Variants in SSTR4 observed in about 807,000 individuals in gnomAD.
SSTR4 encodes somatostatin receptor 4, also known as somatostatin receptor type 4.
For synonymous variants in SSTR4, 272 were observed against 246.3 expected (o/e 1.10, Z -0.98); for missense variants, 649 against 540.6 (o/e 1.20, Z -1.99).
rs1161447813 is a variant in SSTR4 at position 23,035,952 on chromosome 20, T to C, written c.469T>C (p.Tyr157His). 2 of 1,609,894 alleles carry C rather than the reference T, an allele frequency of 1.2e-6. No homozygotes were observed. The highest frequency in any genetic ancestry group is 2.2e-5 in the East Asian group (1 of 44,816). Residue 157 changes from tyrosine to histidine, a missense_variant, in exon 1 of 1, where the codon TAC becomes CAC. Transcript: ENST00000255008. ...AVVHPLRAAT[Y>H]RRPSVAKLIN... ...GGTGCACCCTCTGCGCGCGGCGACC[T>C]ACCGGCGGCCCAGCGTGGCCAAGCT...
rs1211606547 is a variant in SSTR4, at chr20:23,035,909, G to A, written c.426G>A (p.Val142=). The A allele has an allele frequency of 1.2e-6, 2 of 1,612,920 alleles. No homozygotes were observed. The highest frequency in any genetic ancestry group is 2.7e-5 in the African/African-American group (2 of 74,932). ...TCTTCTGTCTCACCGTGCTCAGCGT[G>A]GACCGCTACGTGGCCGTGGTGCACC... is the stretch of plus-strand genomic sequence containing the variant. ...TSVFCLTVLS[V]DRYVAVVHPL... The change falls in exon 1 of 1, where the codon GTG becomes GTA. Residue 142 remains valine, a synonymous_variant. Coordinates refer to ENST00000255008, the MANE Select transcript of SSTR4 (RefSeq NM_001052.4).
chr20:23,035,573 G>C lies in SSTR4; in HGVS notation c.90G>C (p.Ala30=). 1.9e-6 allele frequency: 3 copies of C among 1,575,736 alleles called. No homozygotes were observed. Among genetic ancestry groups the C allele is most frequent in the Non-Finnish European group, 2.6e-6 (3 of 1,164,492 alleles). Residue 30 remains alanine (A), a synonymous_variant, in exon 1 of 1, where the codon GCG becomes GCC. Transcript: ENST00000255008. ...PSAANASSAP[A]EAEEAVAGPG... is the part of the protein sequence containing the mutation. ...CAGCCAATGCCAGTAGCGCTCCGGC[G>C]GAGGCGGAGGAGGCGGTGGCGGGGC...
Position 23,035,951 on chromosome 20 carries a change from C to T in SSTR4, c.468C>T (p.Thr156=), listed in dbSNP as rs768314761. ...VAVVHPLRAA[T]YRRPSVAKLI... ...TGGTGCACCCTCTGCGCGCGGCGAC[C>T]TACCGGCGGCCCAGCGTGGCCAAGC... Residue 156 remains threonine, a synonymous_variant, in exon 1 of 1, where the codon ACC becomes ACT. Transcript: ENST00000255008. 1.2e-6 allele frequency: 2 copies of T among 1,610,066 alleles called. No individual in the cohort carries two copies. Among genetic ancestry groups the T allele is most frequent in the Non-Finnish European group, 1.7e-6 (2 of 1,178,992 alleles).
chr20:23,036,723 T>C lies in SSTR4; in HGVS notation c.*73T>C. Reference sequence around the variant, plus strand: ...GCACCATTCCTACAGCCCCGAAGACTGCATCTCCTGAATGCTCACCTAAGC... The same window carrying C: ...GCACCATTCCTACAGCCCCGAAGACCGCATCTCCTGAATGCTCACCTAAGC... On this transcript the variant is annotated 3_prime_UTR_variant, in exon 1 of 1. Coordinates refer to ENST00000255008, the MANE Select transcript of SSTR4 (RefSeq NM_001052.4). The C allele has an allele frequency of 6.8e-7, 1 of 1,472,488 alleles. No homozygotes were observed. Among genetic ancestry groups the C allele is most frequent in the Non-Finnish European group, 9.1e-7 (1 of 1,095,748 alleles). The allele number at this position is 1,472,488 out of a possible 1,614,324, so 91.2% of individuals were successfully genotyped here.
At position 23,036,634 on chromosome 20, in the gene SSTR4, G is replaced by A. The variant is rs1194239018; in HGVS notation, c.1151G>A (p.Arg384Lys). ...GGCCGCAAGCGCATCCCCCTCACCAGGACCACCACCTTCTGAGGAGCCCTT... is the reference window on the plus strand; with the variant it reads ...GGCCGCAAGCGCATCCCCCTCACCAAGACCACCACCTTCTGAGGAGCCCTT... ...EPGRKRIPLT[R>K]TTTF The change falls in exon 1 of 1, where the codon AGG (arginine) becomes AAG (lysine). Residue 384 changes from arginine to lysine, a missense_variant. Coordinates refer to ENST00000255008, the MANE Select transcript of SSTR4 (RefSeq NM_001052.4). 6.5e-7 allele frequency: 1 copy of A among 1,549,288 alleles called. No homozygotes were observed. The highest frequency in any genetic ancestry group is 1.9e-5 in the Admixed American group (1 of 51,618).
rs1034967754 is a variant in SSTR4, at chr20:23,035,604, G to T, written c.121G>T (p.Asp41Tyr). The T allele has an allele frequency of 2.6e-6, 4 of 1,552,016 alleles. No individual in the cohort carries two copies. The highest frequency in any genetic ancestry group is 3.5e-6 in the Non-Finnish European group (4 of 1,154,416). Residue 41 changes from aspartate to tyrosine, a missense_variant, in exon 1 of 1, where the codon GAC becomes TAC. Transcript: ENST00000255008. Reference protein sequence around the residue: ...EAEEAVAGPGDARAAGMVAIQ... With the variant: ...EAEEAVAGPGYARAAGMVAIQ... ...GGAGGAGGCGGTGGCGGGGCCCGGG[G>T]ACGCGCGGGCGGCGGGCATGGTCGC...
In SSTR4 at chr20:23,035,610, C is replaced by A; in HGVS notation, c.127C>A (p.Arg43=). The A allele has an allele frequency of 6.5e-7, 1 of 1,546,946 alleles. No individual in the cohort carries two copies. The highest frequency in any genetic ancestry group is 8.7e-7 in the Non-Finnish European group (1 of 1,152,048). ...GGCGGTGGCGGGGCCCGGGGACGCGCGGGCGGCGGGCATGGTCGCTATCCA... is the reference window on the plus strand; with the variant it reads ...GGCGGTGGCGGGGCCCGGGGACGCGAGGGCGGCGGGCATGGTCGCTATCCA... The part of the protein sequence containing the change: ...EEAVAGPGDA[R]AAGMVAIQCI... The change falls in exon 1 of 1, where the codon CGG becomes AGG. Residue 43 remains arginine, a synonymous_variant. Coordinates refer to ENST00000255008, the MANE Select transcript of SSTR4 (RefSeq NM_001052.4).
chr20:23,036,559 G>C lies in SSTR4; in HGVS notation c.1076G>C (p.Cys359Ser). Reference protein sequence around the residue: ...TALKSKGGAGCMCPPLPCQQE... With the variant: ...TALKSKGGAGSMCPPLPCQQE... ...CTCAAGAGCAAAGGTGGGGCAGGGT[G>C]CATGTGCCCCCCACTCCCCTGCCAG... is the stretch of plus-strand genomic sequence containing the variant. Residue 359 changes from cysteine to serine, a missense_variant, in exon 1 of 1, where the codon TGC (cysteine) becomes TCC (serine). Physicochemically the swap from Cys to Ser is moderately radical, Grantham distance 112. Coordinates refer to ENST00000255008, the MANE Select transcript of SSTR4 (RefSeq NM_001052.4). The C allele has an allele frequency of 6.2e-7, 1 of 1,610,842 alleles. No homozygotes were observed.
rs1984332886 is a variant in SSTR4 at position 23,036,573 on chromosome 20, C to T, written c.1090C>T (p.Leu364Phe). 4.4e-6 allele frequency: 7 copies of T among 1,604,254 alleles called. No homozygotes were observed. Among genetic ancestry groups the T allele is most frequent in the Non-Finnish European group, 6.0e-6 (7 of 1,175,716 alleles). Residue 364 changes from leucine (L) to phenylalanine (F), a missense_variant, in exon 1 of 1, where the codon CTC becomes TTC. Leu to Phe is a conservative substitution (Grantham distance 22). Coordinates refer to ENST00000255008, the MANE Select transcript of SSTR4 (RefSeq NM_001052.4). The stretch of plus-strand genomic sequence containing the variant: ...TGGGGCAGGGTGCATGTGCCCCCCA[C>T]TCCCCTGCCAGCAGGAAGCCCTGCA... The part of the protein sequence containing the change: ...KGGAGCMCPP[L>F]PCQQEALQPE...
chr20:23,035,352 C>T lies in SSTR4; in HGVS notation c.-132C>T. On this transcript the variant is annotated 5_prime_UTR_variant, in exon 1 of 1. Coordinates refer to ENST00000255008, the MANE Select transcript of SSTR4 (RefSeq NM_001052.4). Reference sequence around the variant, plus strand: ...GGATTGGCGGGCGCTCCCCGGTGCCCGCAGCTCTTCAGCGTAGCCGGGAAG... The same window carrying T: ...GGATTGGCGGGCGCTCCCCGGTGCCTGCAGCTCTTCAGCGTAGCCGGGAAG... 2 of 710,556 alleles carry T rather than the reference C, an allele frequency of 2.8e-6. No individual in the cohort carries two copies. The highest frequency in any genetic ancestry group is 3.8e-6 in the Non-Finnish European group (2 of 521,738). 44.0% of individuals were successfully genotyped at this position (710,556 alleles called of 1,614,324 possible). A position where few individuals can be genotyped will look rare whatever the true frequency, so the allele number is the denominator to read the frequency against.
rs1984271006 is a variant in SSTR4 at position 23,035,435 on chromosome 20, C to T, written c.-49C>T. 2.3e-6 allele frequency: 3 copies of T among 1,291,464 alleles called. No homozygotes were observed. The highest frequency in any genetic ancestry group is 2.9e-6 in the Non-Finnish European group (3 of 1,018,478). The allele number at this position is 1,291,464 out of a possible 1,614,324, so 80.0% of individuals were successfully genotyped here. Reference sequence around the variant, plus strand: ...GGCCCGCCGCCCGAGCTCTCTGGCGCAGCGCTAGCTCCGCCGCGCTCAGCT... The same window carrying T: ...GGCCCGCCGCCCGAGCTCTCTGGCGTAGCGCTAGCTCCGCCGCGCTCAGCT... On this transcript the variant is annotated 5_prime_UTR_variant, in exon 1 of 1. Coordinates refer to ENST00000255008, the MANE Select transcript of SSTR4 (RefSeq NM_001052.4).
At position 23,035,377 on chromosome 20, in the gene SSTR4, G is replaced by A; in HGVS notation, c.-107G>A. The A allele has an allele frequency of 1.2e-6, 1 of 869,548 alleles. No homozygotes were observed. The highest frequency in any genetic ancestry group is 3.6e-5 in the East Asian group (1 of 27,882). The allele number at this position is 869,548 out of a possible 1,614,324, so 53.9% of individuals were successfully genotyped here. On this transcript the variant is annotated 5_prime_UTR_variant, in exon 1 of 1. Coordinates refer to ENST00000255008, the MANE Select transcript of SSTR4 (RefSeq NM_001052.4). ...CGCAGCTCTTCAGCGTAGCCGGGAAGAGCCGCGCGTCTGCGCGCCAGCCCC... is the reference window on the plus strand; with the variant it reads ...CGCAGCTCTTCAGCGTAGCCGGGAAAAGCCGCGCGTCTGCGCGCCAGCCCC...
rs1366963475 is a variant in SSTR4 at position 23,035,446 on chromosome 20, C to T, written c.-38C>T. 3 of 1,363,724 alleles carry T rather than the reference C, an allele frequency of 2.2e-6. No individual in the cohort carries two copies. Among genetic ancestry groups the T allele is most frequent in the Non-Finnish European group, 2.8e-6 (3 of 1,064,850 alleles). The allele number at this position is 1,363,724 out of a possible 1,614,324, so 84.5% of individuals were successfully genotyped here. A position where few individuals can be genotyped will look rare whatever the true frequency, so the allele number is the denominator to read the frequency against. On this transcript the variant is annotated 5_prime_UTR_variant, in exon 1 of 1. Coordinates refer to ENST00000255008, the MANE Select transcript of SSTR4 (RefSeq NM_001052.4). ...CGAGCTCTCTGGCGCAGCGCTAGCT[C>T]CGCCGCGCTCAGCTGCCCTGCGCCG...
Position 23,035,801 on chromosome 20 carries a change from G to A in SSTR4, c.318G>A (p.Ser106=), listed in dbSNP as rs1425198530. 3 of 1,590,254 alleles carry A rather than the reference G, an allele frequency of 1.9e-6. No individual in the cohort carries two copies. The highest frequency in any genetic ancestry group is 4.5e-5 in the East Asian group (2 of 44,332). ...FMLSVPFVAS[S]AALRHWPFGS... is the part of the protein sequence containing the mutation. ...TGAGCGTGCCCTTCGTGGCCTCGTC[G>A]GCCGCCCTGCGCCACTGGCCCTTCG... The change falls in exon 1 of 1, where the codon TCG becomes TCA. Residue 106 remains serine, a synonymous_variant. Transcript: ENST00000255008.
rs775936596 is a variant in SSTR4 at position 23,035,862 on chromosome 20, G to C, written c.379G>C (p.Gly127Arg). The C allele has an allele frequency of 1.2e-6, 2 of 1,609,782 alleles. No homozygotes were observed. The highest frequency in any genetic ancestry group is 1.7e-6 in the Non-Finnish European group (2 of 1,177,990). Residue 127 changes from glycine to arginine, a missense_variant, in exon 1 of 1, where the codon GGC becomes CGC. Transcript: ENST00000255008. ...VLCRAVLSVD[G>R]LNMFTSVFCL... is the part of the protein sequence containing the mutation. Reference sequence around the variant, plus strand: ...GTGCCGCGCGGTGCTCAGCGTCGACGGCCTCAACATGTTCACCAGCGTCTT... The same window carrying C: ...GTGCCGCGCGGTGCTCAGCGTCGACCGCCTCAACATGTTCACCAGCGTCTT...
In SSTR4 at chr20:23,038,173, C is replaced by A. The variant is rs1403857382; in HGVS notation, c.*1523C>A. On this transcript the variant is annotated 3_prime_UTR_variant, in exon 1 of 1. Transcript: ENST00000255008. ...CTCCATGTCTGTGGGTCTCGTGTAACCATAACTACTTGGAGTTTTTTAAAA... is the reference window on the plus strand; with the variant it reads ...CTCCATGTCTGTGGGTCTCGTGTAAACATAACTACTTGGAGTTTTTTAAAA... The A allele has an allele frequency of 6.6e-6, 1 of 152,162 alleles. No individual in the cohort carries two copies. The highest frequency in any genetic ancestry group is 1.5e-5 in the Non-Finnish European group (1 of 68,040). 9.4% of individuals were successfully genotyped at this position (152,162 alleles called of 1,614,324 possible).
chr20:23,039,150 C>A lies in SSTR4; in HGVS notation c.*2500C>A, dbSNP rs765343498. 6.6e-6 allele frequency: 1 copy of A among 152,264 alleles called. No homozygotes were observed. The highest frequency in any genetic ancestry group is 1.5e-5 in the Non-Finnish European group (1 of 68,056). The allele number at this position is 152,264 out of a possible 1,614,324, so 9.4% of individuals were successfully genotyped here. On this transcript the variant is annotated 3_prime_UTR_variant, in exon 1 of 1. Coordinates refer to ENST00000255008, the MANE Select transcript of SSTR4 (RefSeq NM_001052.4). ...ATATGTCACCTGCCTGGGAGGCTTG[C>A]TTCGATGGTCATCTTGTTCTGCCTG...
chr20:23,035,376 A>C lies in SSTR4; in HGVS notation c.-108A>C. The C allele has an allele frequency of 1.2e-6, 1 of 849,054 alleles. No homozygotes were observed. The highest frequency in any genetic ancestry group is 1.5e-6 in the Non-Finnish European group (1 of 645,306). 52.6% of individuals were successfully genotyped at this position (849,054 alleles called of 1,614,324 possible). On this transcript the variant is annotated 5_prime_UTR_variant, in exon 1 of 1. Transcript: ENST00000255008. Reference sequence around the variant, plus strand: ...CCGCAGCTCTTCAGCGTAGCCGGGAAGAGCCGCGCGTCTGCGCGCCAGCCC... The same window carrying C: ...CCGCAGCTCTTCAGCGTAGCCGGGACGAGCCGCGCGTCTGCGCGCCAGCCC...
rs533242682 is a variant in SSTR4 at position 23,038,677 on chromosome 20, C to T, written c.*2027C>T. 2.4e-4 allele frequency among the ~76,000 whole-genome samples: 36 copies of T among 152,306 alleles called. No individual in the cohort carries two copies. The highest frequency in any genetic ancestry group is 3.9e-4 in the Admixed American group (6 of 15,304). On this transcript the variant is annotated 3_prime_UTR_variant, in exon 1 of 1. Coordinates refer to ENST00000255008, the MANE Select transcript of SSTR4 (RefSeq NM_001052.4). The stretch of plus-strand genomic sequence containing the variant: ...CTTGGAATATGTGCCAAGGGAGGTT[C>T]GAGTTTTGAGCTCTTCCCAGCTGTA...
Sources: gnomAD v4.1 joint callset for allele counts (sites outside exome capture counted in the v4.1 genomes callset) on GRCh38, gnomAD v4.1.1 for gene constraint, MANE v1.5 for transcripts, NCBI Gene and HGNC (gene_info 2026-07-23, HGNC 2026-07-21) for gene names.